NDUFV1: variants seen among roughly 807,000 people sequenced by gnomAD.
NDUFV1 encodes NADH dehydrogenase [ubiquinone] flavoprotein 1, mitochondrial.
In NDUFV1, 41 loss-of-function variants were observed where a neutral mutation model predicts 48.7. The observed-to-expected ratio is 0.84, with a 90% CI of 0.66 to 1.09. NDUFV1 has a LOEUF of 1.09. NDUFV1 is among the 50% of genes least tolerant of loss of function. The pLI is 0.00. For missense variants in NDUFV1, 580 were observed against 645.4 expected (o/e 0.90, Z 1.10); for synonymous variants, 231 against 259.1 (o/e 0.89, Z 1.04).
rs1233778150 is a variant in NDUFV1 at position 67,610,578 on chromosome 11, C to G, written c.700+8C>G. 1.2e-6 allele frequency: 2 copies of G among 1,613,696 alleles called. No individual in the cohort carries two copies. Among genetic ancestry groups the G allele is most frequent in the Admixed American group, 3.3e-5 (2 of 60,000 alleles). ...CCTTCCCCGCAGACGTGGGTAAGGC[C>G]TGGCGTAACCCTGGGTCAGACTGTG... On this transcript the variant is annotated splice_region_variant and intron_variant, in intron 5 of 9. Coordinates refer to ENST00000322776, the MANE Select transcript of NDUFV1 (RefSeq NM_007103.4).
rs1854919229 is a variant in NDUFV1 at position 67,611,649 on chromosome 11, G to T, written c.1080+80G>T. On this transcript the variant is annotated intron_variant, in intron 7 of 9. Coordinates refer to ENST00000322776, the MANE Select transcript of NDUFV1 (RefSeq NM_007103.4). The surrounding 1 kb of genome is among the most constrained non-coding windows in gnomAD (Gnocchi z 4.2). ...CCTGGGCCTCCCAGAAAACCCTCTT[G>T]CCAGCACTCAGGTCTCAGTTCCTGC... is the stretch of plus-strand genomic sequence containing the variant. 1.3e-6 allele frequency: 2 copies of T among 1,550,616 alleles called. No homozygotes were observed. The highest frequency in any genetic ancestry group is 4.8e-5 in the East Asian group (2 of 41,876).
At chr11:67,610,283 T>C in intron 4 of NDUFV1, 98 bp from the exon 5 acceptor site, 1 of 1,409,506 alleles carries the variant, frequency 7.1e-7, no homozygotes, top group African/African-American at 1.4e-5. Flanking sequence ...ATTAGGAGCT[T>C]CACCGTGGGA....
intron 4 of NDUFV1, 152 bp downstream of exon 4, chr11:67,609,787 G>A: frequency 1.1e-6 from 1 of 877,888 alleles, no homozygotes; most frequent in Non-Finnish European, 1.8e-6. Flanking sequence ...TCCCAAATGG[G>A]ACTTGGCTCC....
chr11:67,611,185 A>G lies in NDUFV1; in HGVS notation c.891A>G (p.Lys297=), dbSNP rs752885746. The change falls in exon 6 of 10, where the codon AAA becomes AAG. Residue 297 remains lysine, a synonymous_variant. Coordinates refer to ENST00000322776, the MANE Select transcript of NDUFV1 (RefSeq NM_007103.4). The surrounding 1 kb of genome is among the most constrained non-coding windows in gnomAD (Gnocchi z 4.2). ...AGGAGGAGATGTCTGTGCCCTTGAA[A>G]GAACTGATTGAGAAGCATGCTGGTA... is the stretch of plus-strand genomic sequence containing the variant. ...TVEEEMSVPL[K]ELIEKHAGGV... is the part of the protein sequence containing the mutation. 1 of 1,613,930 alleles carries G rather than the reference A, an allele frequency of 6.2e-7. No homozygotes were observed. Among genetic ancestry groups the G allele is most frequent in the African/African-American group, 1.3e-5 (1 of 74,892 alleles).
intron 4 of NDUFV1, chr11:67,610,149 C>T (rs1004006732): frequency 1.2e-5 from 7 of 576,102 alleles, no homozygotes; most frequent in East Asian, 2.9e-5. Context: ...GTAGCTACTT[C>T]GTTTTTATTT....
Position 67,612,281 on chromosome 11 carries a change from C to G in NDUFV1, c.1308+16C>G, listed in dbSNP as rs756293365. On this transcript the variant is annotated intron_variant, in intron 9 of 9. Transcript: ENST00000322776. The surrounding 1 kb of genome is among the most constrained non-coding windows in gnomAD (Gnocchi z 4.4). ...GCCTGTGCAGGTATTCACCACCCTT[C>G]TGCGTAGCACGGAGGGTGGGTGGCA... is the stretch of plus-strand genomic sequence containing the variant. The G allele has an allele frequency of 1.2e-6, 2 of 1,613,980 alleles. No individual in the cohort carries two copies. The highest frequency in any genetic ancestry group is 1.7e-6 in the Non-Finnish European group (2 of 1,179,934).
chr11:67,611,247 G>T lies in NDUFV1; in HGVS notation c.913+40G>T, dbSNP rs752898815. On this transcript the variant is annotated intron_variant, in intron 6 of 9. Coordinates refer to ENST00000322776, the MANE Select transcript of NDUFV1 (RefSeq NM_007103.4). The surrounding 1 kb of genome is among the most constrained non-coding windows in gnomAD (Gnocchi z 4.2). ...CAGCCAGGTGGTGGGGGGGTGCGCA[G>T]TGGGGGCAGGTGTCCACAAAGAGAG... 16 of 1,590,504 alleles carry T rather than the reference G, an allele frequency of 1.0e-5. No individual in the cohort carries two copies. Among genetic ancestry groups the T allele is most frequent in the Admixed American group, 1.7e-5 (1 of 59,866 alleles).
rs142050639 is a variant in NDUFV1, at chr11:67,612,145, G to A, written c.1188G>A (p.Met396Ile). 263 of 1,613,680 alleles carry A rather than the reference G, an allele frequency of 1.6e-4. No individual in the cohort carries two copies. The highest frequency in any genetic ancestry group is 2.2e-4 in the Non-Finnish European group (255 of 1,179,972). ...GTGTGGACTGGATGAACAAGGTGAT[G>A]GCACGTTTCGTGAGGGGGGATGCCC... The part of the protein sequence containing the change: ...REGVDWMNKV[M>I]ARFVRGDARP... Residue 396 changes from methionine to isoleucine, a missense_variant, in exon 9 of 10, where the codon ATG (methionine) becomes ATA (isoleucine). Physicochemically the swap from Met to Ile is conservative, Grantham distance 10. Coordinates refer to ENST00000322776, the MANE Select transcript of NDUFV1 (RefSeq NM_007103.4). This position sits in a 1 kb window ranked among gnomAD's most constrained non-coding sequence, Gnocchi z 4.4.
chr11:67,610,504 CTCA>C lies in NDUFV1; in HGVS notation c.637_639del (p.Ile213del), dbSNP rs1345405159. 6.2e-7 allele frequency: 1 copy of C among 1,614,178 alleles called. No homozygotes were observed. Among genetic ancestry groups the C allele is most frequent in the South Asian group, 1.1e-5 (1 of 91,082 alleles). On this transcript the variant is annotated inframe_deletion, in exon 5 of 10. Transcript: ENST00000322776. ...CTACATCTGTGGAGAGGAGACAGCG[CTCA>C]TCGAGTCCATTGAGGGCAAGCAGGG... is the stretch of plus-strand genomic sequence containing the variant.
rs1261179026 is a variant in NDUFV1 at position 67,608,402 on chromosome 11, C to T, written c.79C>T (p.Pro27Ser). The change falls in exon 2 of 10, where the codon CCC (proline) becomes TCC (serine). Residue 27 changes from proline to serine, a missense_variant. By Grantham distance (74) the Pro-to-Ser change is moderately conservative. Transcript: ENST00000322776. ...TGACCCTTTGTCTCCCTAGACAGCACCCAAGAAAACCTCATTTGGCTCGCT... is the reference window on the plus strand; with the variant it reads ...TGACCCTTTGTCTCCCTAGACAGCATCCAAGAAAACCTCATTTGGCTCGCT... ...SVRFSGDTTA[P>S]KKTSFGSLKD... is the part of the protein sequence containing the mutation. The T allele has an allele frequency of 6.2e-7, 1 of 1,614,004 alleles. No homozygotes were observed.
At position 67,608,669 on chromosome 11, in the gene NDUFV1, T is replaced by C; in HGVS notation, c.273T>C (p.Ala91=). The C allele has an allele frequency of 6.2e-7, 1 of 1,614,130 alleles. No homozygotes were observed. The highest frequency in any genetic ancestry group is 1.1e-5 in the South Asian group (1 of 91,080). ...CGGGTTTGAGGGGCCGTGGAGGCGC[T>C]GGCTTCCCCACTGGCCTCAAGTGGA... ...KTSGLRGRGG[A]GFPTGLKWSF... is the part of the protein sequence containing the mutation. Residue 91 remains alanine (A), a synonymous_variant, in exon 3 of 10, where the codon GCT becomes GCC. Coordinates refer to ENST00000322776, the MANE Select transcript of NDUFV1 (RefSeq NM_007103.4).
At position 67,610,560 on chromosome 11, in the gene NDUFV1, C is replaced by T. The variant is rs553712971; in HGVS notation, c.690C>T (p.Pro230=). The part of the protein sequence containing the change: ...QGKPRLKPPF[P]ADVGVFGCPT... ...AGCCCCGCCTGAAGCCCCCCTTCCC[C>T]GCAGACGTGGGTAAGGCCTGGCGTA... Residue 230 remains proline, a synonymous_variant, in exon 5 of 10, where the codon CCC becomes CCT. Transcript: ENST00000322776. 1.1e-5 allele frequency: 18 copies of T among 1,614,088 alleles called. No individual in the cohort carries two copies. The highest frequency in any genetic ancestry group is 2.7e-5 in the African/African-American group (2 of 75,050).
chr11:67,611,926 C>T lies in NDUFV1; in HGVS notation c.1110C>T (p.Leu370=). The T allele has an allele frequency of 6.2e-7, 1 of 1,614,080 alleles. No individual in the cohort carries two copies. The highest frequency in any genetic ancestry group is 8.5e-7 in the Non-Finnish European group (1 of 1,180,022). ...STDIVKAIAR[L]IEFYKHESCG... is the part of the protein sequence containing the mutation. The stretch of plus-strand genomic sequence containing the variant: ...ACATCGTGAAAGCCATCGCCCGCCT[C>T]ATTGAGTTCTATAAGCACGAGAGCT... Residue 370 remains leucine, a synonymous_variant, in exon 8 of 10, where the codon CTC becomes CTT. Coordinates refer to ENST00000322776, the MANE Select transcript of NDUFV1 (RefSeq NM_007103.4). This position sits in a 1 kb window ranked among gnomAD's most constrained non-coding sequence, Gnocchi z 4.2.
intron 1 of NDUFV1, chr11:67,607,657 C>T (rs536152653): frequency 3.1e-5 from 11 of 356,582 alleles, no homozygotes; most frequent in Non-Finnish European, 6.1e-5. Context: ...AAGTTTTGGT[C>T]CAGCAGGGGA....
chr11:67,611,574 G>T lies in NDUFV1; in HGVS notation c.1080+5G>T. On this transcript the variant is annotated splice_donor_5th_base_variant and intron_variant, in intron 7 of 9. Transcript: ENST00000322776. This position sits in a 1 kb window ranked among gnomAD's most constrained non-coding sequence, Gnocchi z 4.2. ...GTGATCGTCATGGACCGCTCGGTAA[G>T]GGTTCACACACCAGCCCTGGTCCCT... 6.2e-7 allele frequency: 1 copy of T among 1,600,144 alleles called. No homozygotes were observed. The highest frequency in any genetic ancestry group is 2.3e-5 in the East Asian group (1 of 44,374).
Position 67,610,406 on chromosome 11 carries a change from C to T in NDUFV1, c.536C>T (p.Ala179Val). 1 of 1,614,154 alleles carries T rather than the reference C, an allele frequency of 6.2e-7. No individual in the cohort carries two copies. Among genetic ancestry groups the T allele is most frequent in the Non-Finnish European group, 8.5e-7 (1 of 1,180,032 alleles). The change falls in exon 5 of 10, where the codon GCA becomes GTA. Residue 179 changes from alanine to valine, a missense_variant. Transcript: ENST00000322776. ...GTGGCCATCCGAGAGGCCTATGAGG[C>T]AGGTCTGATTGGCAAGAATGCTTGT... ...LQVAIREAYE[A>V]GLIGKNACGS...
At chr11:67,609,771 C>A in intron 4 of NDUFV1, 136 bp downstream of exon 4, 1 of 992,392 alleles carries the variant, frequency 1.0e-6, no homozygotes, top group Admixed American at 2.0e-5. Flanking sequence ...GCCAGTCCTG[C>A]ATGCATCCCA....
At position 67,610,966 on chromosome 11, in the gene NDUFV1, C is replaced by T. The variant is rs553528808; in HGVS notation, c.701-29C>T. The T allele has an allele frequency of 1.3e-5, 21 of 1,611,888 alleles. 1 individual carries two copies. In the South Asian group the frequency reaches 2.2e-4, roughly 17 times the overall value. On this transcript the variant is annotated intron_variant, in intron 5 of 9. Transcript: ENST00000322776. ...GGAAACTTGCCCCACCCCCTAGCAG[C>T]CACCAGTTCTCTTCCCATTTCCCTG...
chr11:67,612,052 C>G lies in NDUFV1; in HGVS notation c.1163-68C>G. 7 of 1,613,434 alleles carry G rather than the reference C, an allele frequency of 4.3e-6. No homozygotes were observed. In the South Asian group the frequency reaches 5.5e-5, roughly 13 times the overall value. ...CTCCTCCCCACCACGTGGCCTGCAGCCCTCAAGCGCCGCCCCACATCCTGG... is the reference window on the plus strand; with the variant it reads ...CTCCTCCCCACCACGTGGCCTGCAGGCCTCAAGCGCCGCCCCACATCCTGG... On this transcript the variant is annotated intron_variant, in intron 8 of 9. Coordinates refer to ENST00000322776, the MANE Select transcript of NDUFV1 (RefSeq NM_007103.4). This position sits in a 1 kb window ranked among gnomAD's most constrained non-coding sequence, Gnocchi z 4.4.
Sources: gnomAD v4.1 joint callset for allele counts on GRCh38, gnomAD v4.1.1 for gene constraint, Gnocchi (gnomAD v3.1) non-coding constraint, MANE v1.5 for transcripts, NCBI Gene and HGNC (gene_info 2026-07-23, HGNC 2026-07-21) for gene names.